UTRN: variants seen among roughly 807,000 people sequenced by gnomAD.
UTRN encodes dystrophin-related protein 1.
Under a neutral mutation model 463.9 loss-of-function variants are expected in UTRN, and 283 were observed. The observed-to-expected ratio is 0.61, with a 90% CI of 0.55 to 0.67. UTRN has a LOEUF of 0.67. Among genes scored for constraint, UTRN ranks in the 30% least tolerant of loss-of-function variants. The pLI, the probability that UTRN is intolerant of heterozygous loss-of-function variation, is 0.00. For missense variants in UTRN, 3,922 were observed against 4,084.3 expected (o/e 0.96, Z 1.08); for synonymous variants, 1,442 against 1,431.5 (o/e 1.01, Z -0.17).
In UTRN at chr6:144,433,699, C is replaced by T. The variant is rs544342576; in HGVS notation, c.856-2236C>T. On this transcript the variant is annotated intron_variant, in intron 9 of 74. Coordinates refer to ENST00000367545, the MANE Select transcript of UTRN (RefSeq NM_007124.3). ...CCGGGCAGAGGCACTCCTCACATCC[C>T]AGATGGGGTGGCGGGGCAGAGGCGC... is the stretch of plus-strand genomic sequence containing the variant. Among the ~76,000 whole-genome samples, 21 of 152,090 alleles carry T rather than the reference C, an allele frequency of 1.4e-4. No individual in the cohort carries two copies. In the East Asian group the frequency reaches 2.5e-3, roughly 18 times the overall value.
At chr6:144,609,801 G>A (rs1414316896) in intron 51 of UTRN, among the ~76,000 whole-genome samples, 1 of 151,892 alleles carries the variant, frequency 6.6e-6, no homozygotes, top group Admixed American at 6.6e-5. Flanking sequence ...ACAAATATGT[G>A]GAAATTAAAC....
At chr6:144,390,971 T>C (rs960257379) in intron 2 of UTRN, among the ~76,000 whole-genome samples, 2 of 146,632 alleles carry the variant, frequency 1.4e-5, no homozygotes, top group Admixed American at 6.9e-5. Flanking sequence ...TTTCACAAAA[T>C]AGTTGTACAA....
In UTRN at chr6:144,450,468, C is replaced by T. The variant is rs1474691489; in HGVS notation, c.2073-902C>T. On this transcript the variant is annotated intron_variant, in intron 17 of 74. Transcript: ENST00000367545. The stretch of plus-strand genomic sequence containing the variant: ...CTCCTCAGTGTAATGCTGTTGTTCT[C>T]CTTTAGGAAGCCATCCATGCCCCAA... 5.3e-5 allele frequency among the ~76,000 whole-genome samples: 8 copies of T among 152,182 alleles called. 1 individual carries two copies. The South Asian group carries it at 8.3e-4, about 16-fold the overall frequency.
chr6:144,696,528 C>CT (rs945575035), intron 52 of UTRN, among the ~76,000 whole-genome samples: 1 of 152,152 alleles, frequency 6.6e-6, no homozygotes, highest in Non-Finnish European at 1.5e-5. Flanking sequence ...AGACTTGACT[C>CT]TTTTCTCCTA....
intron 51 of UTRN, among the ~76,000 whole-genome samples, chr6:144,603,406 T>G (rs1918748): frequency 6.6e-6 from 1 of 152,130 alleles, no homozygotes. Context: ...CATCTCGCCA[T>G]ACTCTGATTA....
At chr6:144,335,930 T>C (rs1438062186) in intron 2 of UTRN, among the ~76,000 whole-genome samples, 1 of 152,096 alleles carries the variant, frequency 6.6e-6, no homozygotes, top group African/African-American at 2.4e-5. Context: ...TTGTCACAAG[T>C]AGATGATTAT....
At chr6:144,529,839 A>G (rs1465405154) in intron 41 of UTRN, among the ~76,000 whole-genome samples, 3 of 152,164 alleles carry the variant, frequency 2.0e-5, no homozygotes, top group African/African-American at 7.2e-5. Context: ...GATCACTTCT[A>G]AAACTCAGCT....
chr6:144,519,716 G>C (rs546722917), intron 39 of UTRN, among the ~76,000 whole-genome samples: 2 of 152,266 alleles, frequency 1.3e-5, no homozygotes, highest in South Asian at 4.1e-4. Context: ...GGAAGGCTCA[G>C]AAAAATCCTG....
chr6:144,614,571 GTAAA>G (rs1369333564), intron 51 of UTRN, among the ~76,000 whole-genome samples: 2 of 152,144 alleles, frequency 1.3e-5, no homozygotes, highest in African/African-American at 4.8e-5. Context: ...TTCAAGCAAA[GTAAA>G]TGAATGAATG....
At chr6:144,656,260 A>G (rs1779297988) in intron 51 of UTRN, among the ~76,000 whole-genome samples, 2 of 152,182 alleles carry the variant, frequency 1.3e-5, no homozygotes, top group South Asian at 4.1e-4. Flanking sequence ...CTCTCTGGTG[A>G]TGTATTGCTT....
chr6:144,850,914 T>C, intron 74 of UTRN, 75 bp from the exon 75 acceptor site: 1 of 1,592,312 alleles, frequency 6.3e-7, no homozygotes, highest in Admixed American at 1.7e-5. Context: ...TTTATTTTCT[T>C]GAAGAATTGA....
rs376133596 is a variant in UTRN, at chr6:144,433,654, C to T, written c.856-2281C>T. On this transcript the variant is annotated intron_variant, in intron 9 of 74. Coordinates refer to ENST00000367545, the MANE Select transcript of UTRN (RefSeq NM_007124.3). ...GGCGGCCGGGCAGAGACGCTCCTCACCTCCCAGACGGGGTCGCGGCCGGGC... is the reference window on the plus strand; with the variant it reads ...GGCGGCCGGGCAGAGACGCTCCTCATCTCCCAGACGGGGTCGCGGCCGGGC... Among the ~76,000 whole-genome samples, 690 of 152,130 alleles carry T rather than the reference C, an allele frequency of 4.5e-3. 3 individuals are homozygous for T. In the East Asian group the frequency reaches 0.053, roughly 12 times the overall value.
chr6:144,310,117 C>T (rs1358803743), intron 2 of UTRN, among the ~76,000 whole-genome samples: 1 of 152,254 alleles, frequency 6.6e-6, no homozygotes, highest in Non-Finnish European at 1.5e-5. Flanking sequence ...TCACTAGTAT[C>T]TAGAACAGTG....
In UTRN at chr6:144,511,449, C is replaced by G. The variant is rs145200340; in HGVS notation, c.4944+326C>G. On this transcript the variant is annotated intron_variant, in intron 35 of 74. Transcript: ENST00000367545. ...ATCAGAAGCTATTTTTATATAAAAT[C>G]TTCATAGTGTTTGAATAATGGCATA... is the stretch of plus-strand genomic sequence containing the variant. Among the ~76,000 whole-genome samples, 76 of 152,208 alleles carry G rather than the reference C, an allele frequency of 5.0e-4. 1 individual carries two copies. The East Asian group carries it at 0.013, about 27-fold the overall frequency.
At chr6:144,791,878 C>T (rs79965284) in intron 62 of UTRN, among the ~76,000 whole-genome samples, 16,808 of 152,140 alleles carry the variant, frequency 0.11, 1,073 homozygotes, top group South Asian at 0.18. Flanking sequence ...GAAAGTTGGG[C>T]ATAGTTGATC....
intron 45 of UTRN, 84 bp downstream of exon 45, chr6:144,539,527 T>C: frequency 7.0e-7 from 1 of 1,420,902 alleles, no homozygotes; most frequent in South Asian, 1.5e-5. Context: ...TGCTTTACTT[T>C]CAAGTATGTC....
At chr6:144,809,810 G>A (rs1778454090) in intron 65 of UTRN, among the ~76,000 whole-genome samples, 1 of 152,138 alleles carries the variant, frequency 6.6e-6, no homozygotes, top group Admixed American at 6.6e-5. Context: ...ATGAAGCTAA[G>A]GGGAAAAGGG....
At chr6:144,367,969 A>T (rs947676700) in intron 2 of UTRN, among the ~76,000 whole-genome samples, 2 of 152,068 alleles carry the variant, frequency 1.3e-5, no homozygotes, top group Non-Finnish European at 1.5e-5. Flanking sequence ...TTTAGTATAG[A>T]TGGGGTTTCA....
chr6:144,302,136 G>A (rs1324883632), intron 2 of UTRN, among the ~76,000 whole-genome samples: 1 of 152,154 alleles, frequency 6.6e-6, no homozygotes, highest in Non-Finnish European at 1.5e-5. Flanking sequence ...CTTCTGGCTT[G>A]TGTATGTCTA....
Sources: allele counts gnomAD v4.1 joint callset (sites outside exome capture counted in the v4.1 genomes callset), GRCh38; gene constraint gnomAD v4.1.1; transcripts MANE v1.5; gene names NCBI Gene and HGNC (gene_info 2026-07-23, HGNC 2026-07-21).